SERPINA9: variants seen among roughly 807,000 people sequenced by gnomAD.
The protein encoded by SERPINA9 is serpin A9.
In SERPINA9, 32 loss-of-function variants were observed where a neutral mutation model predicts 24.5. The ratio of observed to expected loss-of-function variants is 1.30; its 90% CI spans 0.98 to 1.75. The LOEUF (loss-of-function observed/expected upper bound fraction) is 1.75, where lower values mean the gene tolerates loss of function less well. SERPINA9 is among the 40% of genes most tolerant of loss of function. SERPINA9 has a pLI of 0.00. For missense variants in SERPINA9, 594 were observed against 497.1 expected (o/e 1.19, Z -1.85); for synonymous variants, 233 against 197.7 (o/e 1.18, Z -1.50).
chr14:94,462,871 C>T lies in SERPINA9; in HGVS notation c.*222G>A, dbSNP rs530646961. The T allele has an allele frequency of 3.5e-5, 19 of 535,348 alleles. No individual in the cohort carries two copies. In the South Asian group the frequency reaches 3.8e-4, roughly 11 times the overall value. 33.2% of individuals were successfully genotyped at this position (535,348 alleles called of 1,614,324 possible). Reference sequence around the variant, plus strand: ...AGCAACATCCCATGAAGCTAGTTACCTGGGAGAATTTGTGGAAAAGGGCAC... The same window carrying T: ...AGCAACATCCCATGAAGCTAGTTACTTGGGAGAATTTGTGGAAAAGGGCAC... On this transcript the variant is annotated 3_prime_UTR_variant, in exon 5 of 5. Coordinates refer to ENST00000674397, the MANE Select transcript of SERPINA9 (RefSeq NM_175739.4).
At chr14:94,469,904 G>T in intron 1 of SERPINA9, 47 bp from the exon 2 acceptor site, 24 of 1,459,400 alleles carry the variant, frequency 1.6e-5, no homozygotes, top group Non-Finnish European at 2.1e-5. Context: ...GAGGGTCCAG[G>T]CCCTGAATCA....
Position 94,469,314 on chromosome 14 carries a change from T to G in SERPINA9, c.527A>C (p.Asn176Thr). ...SNPSIAQARI[N>T]SHVKKKTQGK... ...TTGGGTCTTCTTTTTCACATGGCTG[T>G]TGATCCTCGCCTGGGCAATGGAGGG... is the stretch of plus-strand genomic sequence containing the variant. The change falls in exon 2 of 5, where the codon AAC (asparagine) becomes ACC (threonine). Residue 176 changes from asparagine (N) to threonine (T), a missense_variant. Physicochemically the swap from Asn to Thr is moderately conservative, Grantham distance 65. Transcript: ENST00000674397. The G allele has an allele frequency of 1.9e-6, 3 of 1,614,262 alleles. No homozygotes were observed. The highest frequency in any genetic ancestry group is 2.5e-6 in the Non-Finnish European group (3 of 1,180,040).
chr14:94,469,159 T>C, intron 2 of SERPINA9, 54 bp downstream of exon 2: 1 of 1,462,232 alleles, frequency 6.8e-7, no homozygotes, highest in Admixed American at 1.9e-5. Flanking sequence ...TAAGCAAAAA[T>C]CATCATCATC....
intron 1 of SERPINA9, among the ~76,000 whole-genome samples, chr14:94,475,750 G>C (rs559354707): frequency 6.6e-5 from 10 of 152,166 alleles, no homozygotes; most frequent in South Asian, 2.1e-4. Context: ...CTTGCTGTTA[G>C]TTTGGAAACT....
Position 94,463,083 on chromosome 14 carries a change from C to T in SERPINA9, c.*10G>A. ...AGCAATGTGCCATCAGTTAACAGGC[C>T]ATTTCCCACCTAGGATTTAGTGGGA... On this transcript the variant is annotated 3_prime_UTR_variant, in exon 5 of 5. Transcript: ENST00000674397. The T allele has an allele frequency of 6.2e-7, 1 of 1,604,376 alleles. No individual in the cohort carries two copies. Among genetic ancestry groups the T allele is most frequent in the Non-Finnish European group, 8.5e-7 (1 of 1,171,102 alleles).
intron 1 of SERPINA9, among the ~76,000 whole-genome samples, chr14:94,473,540 A>AT (rs1204996899): frequency 7.2e-6 from 1 of 139,276 alleles, no homozygotes; most frequent in East Asian, 2.2e-4. Flanking sequence ...AAAAAAAAAA[A>AT]GCAACAACAA....
In SERPINA9 at chr14:94,463,292, G is replaced by A. The variant is rs757386494; in HGVS notation, c.1055C>T (p.Thr352Ile). 5 of 1,613,946 alleles carry A rather than the reference G, an allele frequency of 3.1e-6. No individual in the cohort carries two copies. The Admixed American group carries it at 8.3e-5, about 27-fold the overall frequency. ...KRDSLQVSKA[T>I]HKAVLDVSEE... ...ACTGACATCCAGCACAGCCTTGTGG[G>A]TTGCCTGCCAAGGGAAAAACAAACA... Residue 352 changes from threonine to isoleucine, a missense_variant, in exon 5 of 5, where the codon ACC becomes ATC. Transcript: ENST00000674397.
chr14:94,467,035 G>A (rs1012379857), intron 3 of SERPINA9, 74 bp downstream of exon 3: 1 of 1,513,232 alleles, frequency 6.6e-7, no homozygotes, highest in South Asian at 1.3e-5. Flanking sequence ...ACAGCTGTTA[G>A]CACAATCTCT....
chr14:94,469,129 G>A lies in SERPINA9; in HGVS notation c.628+84C>T, dbSNP rs1451557230. 13 of 1,273,928 alleles carry A rather than the reference G, an allele frequency of 1.0e-5. No homozygotes were observed. In the African/African-American group the frequency reaches 1.8e-4, roughly 18 times the overall value. 78.9% of individuals were successfully genotyped at this position (1,273,928 alleles called of 1,614,324 possible). On this transcript the variant is annotated intron_variant, in intron 2 of 4. Coordinates refer to ENST00000674397, the MANE Select transcript of SERPINA9 (RefSeq NM_175739.4). ...TTCTCCACCCTGCAGTCTAGGGTTT[G>A]TCTGGCTTGTGTATTTCACTAAGCA...
chr14:94,476,187 G>A lies in SERPINA9; in HGVS notation c.-69C>T, dbSNP rs766928268. The stretch of plus-strand genomic sequence containing the variant: ...TGTCCTTGCATGGTTGGTGAGCCCT[G>A]ACACTTGCTTACTTGGTTGTAGCTC... On this transcript the variant is annotated 5_prime_UTR_variant, in exon 1 of 5. Coordinates refer to ENST00000674397, the MANE Select transcript of SERPINA9 (RefSeq NM_175739.4). 6.2e-7 allele frequency: 1 copy of A among 1,614,076 alleles called. No individual in the cohort carries two copies. The highest frequency in any genetic ancestry group is 2.2e-5 in the East Asian group (1 of 44,870).
rs894094733 is a variant in SERPINA9, at chr14:94,470,202, T to C, written c.-17-345A>G. On this transcript the variant is annotated intron_variant, in intron 1 of 4. Transcript: ENST00000674397. ...CTTCATGGACTTATTTTTTAAGAAT[T>C]GAGTATGTGAACCCAGATTGCATTA... 8 of 1,030,188 alleles carry C rather than the reference T, an allele frequency of 7.8e-6. No individual in the cohort carries two copies. The Admixed American group carries it at 3.8e-4, about 49-fold the overall frequency. 63.8% of individuals were successfully genotyped at this position (1,030,188 alleles called of 1,614,324 possible).
At chr14:94,464,530 T>G in intron 4 of SERPINA9, 177 bp downstream of exon 4, 2 of 595,952 alleles carry the variant, frequency 3.4e-6, no homozygotes, top group South Asian at 4.3e-5. Context: ...GGATAACAGA[T>G]GCTGCATGCC....
chr14:94,471,549 C>A (rs1547039), intron 1 of SERPINA9, among the ~76,000 whole-genome samples: 109,475 of 152,128 alleles, frequency 0.72, 39,725 homozygotes, highest in African/African-American at 0.82. Context: ...CTTTTGCAAA[C>A]CTGTTCATTT....
chr14:94,469,686 G>A lies in SERPINA9; in HGVS notation c.155C>T (p.Ala52Val), dbSNP rs758602903. The A allele has an allele frequency of 1.4e-5, 23 of 1,613,184 alleles. No homozygotes were observed. The highest frequency in any genetic ancestry group is 1.2e-4 in the South Asian group (11 of 91,006). Residue 52 changes from alanine to valine, a missense_variant, in exon 2 of 5, where the codon GCC becomes GTC. Physicochemically the swap from Ala to Val is moderately conservative, Grantham distance 64. Coordinates refer to ENST00000674397, the MANE Select transcript of SERPINA9 (RefSeq NM_175739.4). ...SQVYSLNTDF[A>V]FRLYRRLVLE... Reference sequence around the variant, plus strand: ...AACCAGCCTGCGGTATAGGCGGAAGGCAAAGTCGGTGTTGAGGGAATACAC... The same window carrying A: ...AACCAGCCTGCGGTATAGGCGGAAGACAAAGTCGGTGTTGAGGGAATACAC...
rs928048138 is a variant in SERPINA9 at position 94,463,007 on chromosome 14, A to G, written c.*86T>C. On this transcript the variant is annotated 3_prime_UTR_variant, in exon 5 of 5. Transcript: ENST00000674397. ...GCGAATCCAGCTCCACTGGGGTCAA[A>G]TGCACCCTCAGAACAGAAAGAGGGA... 8 of 1,211,756 alleles carry G rather than the reference A, an allele frequency of 6.6e-6. No individual in the cohort carries two copies. Among genetic ancestry groups the G allele is most frequent in the African/African-American group, 5.9e-5 (4 of 67,430 alleles). The allele number at this position is 1,211,756 out of a possible 1,614,324, so 75.1% of individuals were successfully genotyped here. A position where few individuals can be genotyped will look rare whatever the true frequency, so the allele number is the denominator to read the frequency against.
intron 1 of SERPINA9, chr14:94,475,908 G>C (rs1899615430): frequency 1.7e-6 from 1 of 577,976 alleles, no homozygotes; most frequent in East Asian, 2.8e-5. Flanking sequence ...TGTATTCATG[G>C]TCTCTGTGGC....
At chr14:94,468,155 T>C (rs913592179) in intron 2 of SERPINA9, among the ~76,000 whole-genome samples, 1 of 151,940 alleles carries the variant, frequency 6.6e-6, no homozygotes, top group Non-Finnish European at 1.5e-5. Flanking sequence ...GATACATGAA[T>C]AGATTAATGG....
At chr14:94,466,588 A>G (rs1469266671) in intron 3 of SERPINA9, among the ~76,000 whole-genome samples, 1 of 152,174 alleles carries the variant, frequency 6.6e-6, no homozygotes, top group East Asian at 1.9e-4. Context: ...TTTTGTACTC[A>G]CCATACTAAT....
intron 1 of SERPINA9, among the ~76,000 whole-genome samples, chr14:94,475,080 T>C (rs1899520086): frequency 6.6e-6 from 1 of 152,106 alleles, no homozygotes; most frequent in Admixed American, 6.5e-5. Context: ...TTTATCCAGC[T>C]TGGGTGTCAA....
Sources: gnomAD v4.1 joint callset for allele counts (sites outside exome capture counted in the v4.1 genomes callset) on GRCh38, gnomAD v4.1.1 for gene constraint, MANE v1.5 for transcripts, NCBI Gene and HGNC (gene_info 2026-07-23, HGNC 2026-07-21) for gene names.